Variants in PRSS41 observed in about 807,000 individuals in gnomAD.
PRSS41 encodes the protein serine protease 41.
A neutral mutation model predicts 28.8 loss-of-function variants in PRSS41; 37 were observed. The ratio of observed to expected loss-of-function variants is 1.29; its 90% CI spans 0.99 to 1.69. The LOEUF is 1.69. Ranked by LOEUF, PRSS41 falls within the 40% of genes most tolerant of loss-of-function variation. The pLI, the probability that PRSS41 is intolerant of heterozygous loss-of-function variation, is 0.00. For synonymous variants in PRSS41, 195 were observed against 163.1 expected, an observed-to-expected ratio of 1.20 and a Z score of -1.49; for missense variants, 431 against 400.7, an observed-to-expected ratio of 1.08 and a Z score of -0.65.
chr16:2,799,672 TG>T, intron 4 of PRSS41, 103 bp downstream of exon 4: 2 of 1,258,354 alleles, frequency 1.6e-6, no homozygotes, highest in Non-Finnish European at 2.2e-6. Flanking sequence ...CTCCTTGGTC[TG>T]GGGCTGCAAC....
intron 4 of PRSS41, among the ~76,000 whole-genome samples, chr16:2,800,455 C>A (rs762305800): frequency 4.0e-5 from 6 of 148,914 alleles, no homozygotes; most frequent in Admixed American, 1.4e-4. Flanking sequence ...GCAGGAGAAT[C>A]GCTTGAACCC....
chr16:2,799,203 G>C, intron 3 of PRSS41, 79 bp downstream of exon 3: 2 of 1,515,574 alleles, frequency 1.3e-6, no homozygotes, highest in South Asian at 2.5e-5. Flanking sequence ...CCAGCAGCTT[G>C]GCCTCAGGGA....
chr16:2,804,590 C>G (rs1361817165), intron 5 of PRSS41, 44 bp downstream of exon 5: 2 of 1,536,042 alleles, frequency 1.3e-6, no homozygotes, highest in South Asian at 1.2e-5. Flanking sequence ...CTCTCCAGCT[C>G]TACACCTGAG....
chr16:2,804,366 G>A (rs2069006698), intron 4 of PRSS41, 23 bp from the exon 5 acceptor site: 1 of 1,550,472 alleles, frequency 6.4e-7, no homozygotes. Flanking sequence ...GAAGGGTGCT[G>A]TCCTTTTCTG....
chr16:2,803,564 A>G (rs777279481), intron 4 of PRSS41, among the ~76,000 whole-genome samples: 4 of 152,248 alleles, frequency 2.6e-5, no homozygotes, highest in African/African-American at 4.8e-5. Context: ...TTTAAATTAC[A>G]TAAGAAAAAG....
intron 4 of PRSS41, among the ~76,000 whole-genome samples, chr16:2,803,070 A>G (rs888543307): frequency 5.9e-5 from 9 of 151,848 alleles, no homozygotes; most frequent in African/African-American, 1.9e-4. Context: ...ACCTATCTGG[A>G]TCCAGTGATT....
rs1235639843 is a variant in PRSS41, at chr16:2,802,330, C to T, written c.542-2059C>T. 2.3e-3 allele frequency among the ~76,000 whole-genome samples: 339 copies of T among 145,968 alleles called. 2 individuals carry two copies. Among genetic ancestry groups the T allele is most frequent in the East Asian group, 8.5e-3 (40 of 4,732 alleles). On this transcript the variant is annotated intron_variant, in intron 4 of 5. Transcript: ENST00000399677. ...CTCACTTCCTAGATGTGATGGCGGC[C>T]AGGAAGAGGCGCTCCTCACTTCCTA... is the stretch of plus-strand genomic sequence containing the variant.
intron 4 of PRSS41, among the ~76,000 whole-genome samples, chr16:2,802,024 C>G (rs960397645): frequency 2.8e-5 from 4 of 143,394 alleles, no homozygotes; most frequent in South Asian, 4.3e-4. Flanking sequence ...TGGGGCTGAC[C>G]CCCCCCACCT....
chr16:2,802,413 G>C (rs2068995019), intron 4 of PRSS41, among the ~76,000 whole-genome samples: 1 of 151,342 alleles, frequency 6.6e-6, no homozygotes, highest in African/African-American at 2.4e-5. Context: ...CAGCCAGGCA[G>C]AGGGGCTCCT....
In PRSS41 at chr16:2,799,072, G is replaced by A. The variant is rs2068967775; in HGVS notation, c.205G>A (p.Gly69Arg). Residue 69 changes from glycine (G) to arginine (R), a missense_variant, in exon 3 of 6, where the codon GGG (glycine) becomes AGG (arginine). By Grantham distance (125) the Gly-to-Arg change is moderately radical. Transcript: ENST00000399677. ...CCTGAGGAGACGCCACCGATGTGGA[G>A]GGAGCCTGCTCAGCCGCCGCTGGGT... 6.5e-6 allele frequency: 10 copies of A among 1,534,208 alleles called. No homozygotes were observed. In the East Asian group the frequency reaches 2.2e-4, roughly 34 times the overall value.
chr16:2,799,019 G>A, exon 3 of PRSS41: 1 of 1,532,642 alleles, frequency 6.5e-7, no homozygotes, highest in East Asian at 2.4e-5. Flanking sequence ...TCCGCGCGCG[G>A]GCGCTGGCCA....
chr16:2,799,210 G>A (rs749501451), intron 3 of PRSS41, 76 bp from the exon 4 acceptor site: 40 of 1,519,576 alleles, frequency 2.6e-5, no homozygotes, highest in Non-Finnish European at 3.1e-5. Context: ...CTTGGCCTCA[G>A]GGACTGGGCC....
intron 4 of PRSS41, among the ~76,000 whole-genome samples, chr16:2,801,357 T>G (rs997108172): frequency 6.6e-6 from 1 of 151,988 alleles, no homozygotes; most frequent in African/African-American, 2.4e-5. Flanking sequence ...TAATTTTTTT[T>G]TTATTGATAA....
chr16:2,799,603 G>A, intron 4 of PRSS41, 34 bp downstream of exon 4: 3 of 1,544,662 alleles, frequency 1.9e-6, no homozygotes, highest in Non-Finnish European at 2.6e-6. Flanking sequence ...GGGGTGATGG[G>A]GGTGCGGGGT....
chr16:2,802,204 G>A (rs906063964), intron 4 of PRSS41, among the ~76,000 whole-genome samples: 6 of 151,152 alleles, frequency 4.0e-5, no homozygotes, highest in African/African-American at 1.5e-4. Context: ...CTCCCAGACA[G>A]GGTCGCGGCC....
intron 4 of PRSS41, among the ~76,000 whole-genome samples, chr16:2,801,603 T>G (rs1416082991): frequency 1.3e-5 from 2 of 151,446 alleles, no homozygotes; most frequent in African/African-American, 4.9e-5. Flanking sequence ...CCGCCCTTAA[T>G]CCATTTAACC....
At chr16:2,804,944 A>G in exon 6 of PRSS41, 1 of 1,589,346 alleles carries the variant, frequency 6.3e-7, no homozygotes, top group South Asian at 1.1e-5. Flanking sequence ...GGTCTGTGAC[A>G]AGGATGGACT....
intron 4 of PRSS41, among the ~76,000 whole-genome samples, chr16:2,800,799 T>C (rs2068980938): frequency 6.6e-6 from 1 of 152,242 alleles, no homozygotes. Flanking sequence ...TTTTACTTTA[T>C]AAAAATTATA....
intron 2 of PRSS41, 99 bp downstream of exon 2, chr16:2,798,761 GCT>G: frequency 7.9e-7 from 1 of 1,266,086 alleles, no homozygotes; most frequent in Non-Finnish European, 1.0e-6. Flanking sequence ...AGAACGTGAT[GCT>G]CTCAAGTAAC....
Sources: allele counts gnomAD v4.1 joint callset (sites outside exome capture counted in the v4.1 genomes callset), GRCh38; gene constraint gnomAD v4.1.1; transcripts MANE v1.5; gene names NCBI Gene and HGNC (gene_info 2026-07-23, HGNC 2026-07-21).